ASIC3: variants seen among roughly 807,000 people sequenced by gnomAD.
The protein encoded by ASIC3 is acid-sensing ion channel 3.
In ASIC3, 46 loss-of-function variants were observed where a neutral mutation model predicts 58.6. That is an observed-to-expected ratio of 0.79 (90% CI 0.62 to 1.00). ASIC3 has a LOEUF of 1.00. Among genes scored for constraint, ASIC3 ranks in the 50% least tolerant of loss-of-function variants. ASIC3 has a pLI of 0.00. For synonymous variants in ASIC3, 336 were observed against 300.2 expected, an observed-to-expected ratio of 1.12 and a Z score of -1.23; for missense variants, 770 against 735.0, an observed-to-expected ratio of 1.05 and a Z score of -0.55.
rs956906133 is a variant in ASIC3, at chr7:151,051,470, A to G, written c.1214+151A>G. The G allele has an allele frequency of 3.8e-6, 4 of 1,045,712 alleles. No homozygotes were observed. In the African/African-American group the frequency reaches 6.6e-5, roughly 17 times the overall value. 64.8% of individuals were successfully genotyped at this position (1,045,712 alleles called of 1,614,324 possible). On this transcript the variant is annotated intron_variant, in intron 6 of 10. Coordinates refer to ENST00000349064, the MANE Select transcript of ASIC3 (RefSeq NM_004769.4). Reference sequence around the variant, plus strand: ...CTCTGGGGCTCCGTGCTGGTTGCTTAATCTTTCTGGCCCCGGGGGATGCTG... The same window carrying G: ...CTCTGGGGCTCCGTGCTGGTTGCTTGATCTTTCTGGCCCCGGGGGATGCTG...
chr7:151,051,209 C>G lies in ASIC3; in HGVS notation c.1104C>G (p.Asn368Lys). 1.9e-6 allele frequency: 3 copies of G among 1,585,690 alleles called. No individual in the cohort carries two copies. The highest frequency in any genetic ancestry group is 2.6e-6 in the Non-Finnish European group (3 of 1,172,418). The change falls in exon 6 of 11, where the codon AAC becomes AAG. Residue 368 changes from asparagine to lysine, a missense_variant. Physicochemically the swap from Asn to Lys is moderately conservative, Grantham distance 94 (BLOSUM62 0). Coordinates refer to ENST00000349064, the MANE Select transcript of ASIC3 (RefSeq NM_004769.4). ...GCAAGGACTCGTGCGCCTGCCCCAACCCGTGCGCCAGCACGCGCTACGCCA... is the reference window on the plus strand; with the variant it reads ...GCAAGGACTCGTGCGCCTGCCCCAAGCCGTGCGCCAGCACGCGCTACGCCA... ...MLRKDSCACP[N>K]PCASTRYAKE...
At position 151,051,910 on chromosome 7, in the gene ASIC3, GCAGGGCCCC is replaced by G. The variant is rs1167384866; in HGVS notation, c.1306+16_1306+24del. 1 of 1,613,768 alleles carries G rather than the reference GCAGGGCCCC, an allele frequency of 6.2e-7. No individual in the cohort carries two copies. The highest frequency in any genetic ancestry group is 1.7e-5 in the Admixed American group (1 of 59,992). The stretch of plus-strand genomic sequence containing the variant: ...GATGTCAGAGCTGCTTGGTGTGTGT[GCAGGGCCCC>G]CAGGGCTGGGGGGGTGTGGGCAGGC... On this transcript the variant is annotated intron_variant, in intron 7 of 10. Coordinates refer to ENST00000349064, the MANE Select transcript of ASIC3 (RefSeq NM_004769.4).
rs1796791286 is a variant in ASIC3 at position 151,051,915 on chromosome 7, GC to G, written c.1306+19del. ...CAGAGCTGCTTGGTGTGTGTGCAGG[GC>G]CCCCAGGGCTGGGGGGGTGTGGGCA... is the stretch of plus-strand genomic sequence containing the variant. On this transcript the variant is annotated intron_variant, in intron 7 of 10. Coordinates refer to ENST00000349064, the MANE Select transcript of ASIC3 (RefSeq NM_004769.4). The G allele has an allele frequency of 1.2e-6, 2 of 1,613,642 alleles. No homozygotes were observed. The highest frequency in any genetic ancestry group is 1.7e-6 in the Non-Finnish European group (2 of 1,179,872).
Position 151,048,823 on chromosome 7 carries a change from C to A in ASIC3, c.-63C>A, listed in dbSNP as rs565387190. 7 of 1,509,660 alleles carry A rather than the reference C, an allele frequency of 4.6e-6. No individual in the cohort carries two copies. Among genetic ancestry groups the A allele is most frequent in the Non-Finnish European group, 5.3e-6 (6 of 1,128,356 alleles). 93.5% of individuals were successfully genotyped at this position (1,509,660 alleles called of 1,614,324 possible). ...ATCCTATCTTAGCCTCCTTAGCCCCCTGACTGACTCTCTCTCGCTTCTTCC... is the reference window on the plus strand; with the variant it reads ...ATCCTATCTTAGCCTCCTTAGCCCCATGACTGACTCTCTCTCGCTTCTTCC... On this transcript the variant is annotated 5_prime_UTR_variant, in exon 1 of 11. In the 5' UTR this introduces an upstream ATG that the reference lacks. Coordinates refer to ENST00000349064, the MANE Select transcript of ASIC3 (RefSeq NM_004769.4).
Position 151,050,490 on chromosome 7 carries a change from C to CGTTTGAGGTGGG in ASIC3, c.697_708dup (p.Phe233_Gly236dup). 1 of 1,613,798 alleles carries CGTTTGAGGTGGG rather than the reference C, an allele frequency of 6.2e-7. No individual in the cohort carries two copies. The highest frequency in any genetic ancestry group is 8.5e-7 in the Non-Finnish European group (1 of 1,179,884). On this transcript the variant is annotated inframe_insertion, in exon 3 of 11. Coordinates refer to ENST00000349064, the MANE Select transcript of ASIC3 (RefSeq NM_004769.4). ...GGTCCCTCCCCGACAGAGGAGACCC[C>CGTTTGAGGTGGG]GTTTGAGGTGGGGATCCGAGTGCAG...
Position 151,049,143 on chromosome 7 carries a change from C to T in ASIC3, c.258C>T (p.Phe86=). 2.5e-6 allele frequency: 4 copies of T among 1,613,898 alleles called. No individual in the cohort carries two copies. Among genetic ancestry groups the T allele is most frequent in the Non-Finnish European group, 3.4e-6 (4 of 1,179,902 alleles). Residue 86 remains phenylalanine (F), a synonymous_variant, in exon 1 of 11, where the codon TTC becomes TTT. Coordinates refer to ENST00000349064, the MANE Select transcript of ASIC3 (RefSeq NM_004769.4). ...AGCGAGAAAGCCACCGGCTCATCTTCCCGGCTGTCACCCTGTGCAACATCA... is the reference window on the plus strand; with the variant it reads ...AGCGAGAAAGCCACCGGCTCATCTTTCCGGCTGTCACCCTGTGCAACATCA... ...LDERESHRLI[F]PAVTLCNINP...
At chr7:151,051,687 G>A (rs1796784489) in intron 6 of ASIC3, 123 bp from the exon 7 acceptor site, 2 of 1,000,238 alleles carry the variant, frequency 2.0e-6, no homozygotes, top group Non-Finnish European at 3.0e-6. Context: ...GTACAGGTGT[G>A]AGCCACCGTG....
intron 2 of ASIC3, 60 bp downstream of exon 2, chr7:151,050,316 A>AAGGAGAGG: frequency 6.3e-7 from 1 of 1,584,066 alleles, no homozygotes; most frequent in Non-Finnish European, 8.6e-7. Context: ...AGGCTAGGGG[A>AAGGAGAGG]AGGAGAGGAG....
At chr7:151,048,522 A>C, upstream of ASIC3, 1 of 231,558 alleles carries the variant, frequency 4.3e-6, no homozygotes. Flanking sequence ...CTACTGCTGA[A>C]ACCCAATCCT....
chr7:151,050,135 A>AT lies in ASIC3; in HGVS notation c.567dup (p.Asn190Ter). Reference sequence around the variant, plus strand: ...TCACCCGGATGGGAAAGTGCTACACATTTAACTCTGGCGCTGATGGGGCAG... The same window carrying AT: ...TCACCCGGATGGGAAAGTGCTACACATTTTAACTCTGGCGCTGATGGGGCAG... On this transcript the variant is annotated frameshift_variant, in exon 2 of 11. Transcript: ENST00000349064. LOFTEE classifies it high-confidence loss of function. 6.2e-7 allele frequency: 1 copy of AT among 1,614,118 alleles called. No homozygotes were observed. The highest frequency in any genetic ancestry group is 8.5e-7 in the Non-Finnish European group (1 of 1,180,004).
At position 151,049,010 on chromosome 7, in the gene ASIC3, G is replaced by A. The variant is rs114837285; in HGVS notation, c.125G>A (p.Arg42Gln). The change falls in exon 1 of 11, where the codon CGG (arginine) becomes CAG (glutamine). Residue 42 changes from arginine (R) to glutamine (Q), a missense_variant. Physicochemically the swap from Arg to Gln is conservative, Grantham distance 43. Transcript: ENST00000349064. ...GGGCCAGGCAGCCTGAGCCTGCGCC[G>A]GGGGATGTGGGCAGCGGCCGTGGTC... ...VFGPGSLSLR[R>Q]GMWAAAVVLS... is the part of the protein sequence containing the mutation. The A allele has an allele frequency of 4.5e-4, 727 of 1,612,158 alleles. 5 individuals are homozygous for A. In the East Asian group the frequency reaches 9.7e-3, roughly 22 times the overall value.
Position 151,052,074 on chromosome 7 carries a change from C to G in ASIC3, c.1386+12C>G. 2 of 1,613,796 alleles carry G rather than the reference C, an allele frequency of 1.2e-6. No homozygotes were observed. Among genetic ancestry groups the G allele is most frequent in the South Asian group, 2.2e-5 (2 of 91,060 alleles). ...ACTACCTCTGTGAGGTGGGCCAGGGCCCCCACTGCAGGGGGTGGGAGGTGG... is the reference window on the plus strand; with the variant it reads ...ACTACCTCTGTGAGGTGGGCCAGGGGCCCCACTGCAGGGGGTGGGAGGTGG... On this transcript the variant is annotated intron_variant, in intron 8 of 10. Transcript: ENST00000349064. This position sits in a 1 kb window ranked among gnomAD's most constrained non-coding sequence, Gnocchi z 5.0.
In ASIC3 at chr7:151,049,765, T is replaced by TG. The variant is rs924388730; in HGVS notation, c.535-333dup. Among the ~76,000 whole-genome samples, 400 of 151,182 alleles carry TG rather than the reference T, an allele frequency of 2.6e-3. 1 individual carries two copies. Among genetic ancestry groups the TG allele is most frequent in the Non-Finnish European group, 3.6e-3 (246 of 67,704 alleles). ...GAAGACCCCTATCTCTGCCAGGAGG[T>TG]GGGGGGGGCTTGCTTTCCCTCTGCC... On this transcript the variant is annotated intron_variant, in intron 1 of 10. Transcript: ENST00000349064.
In ASIC3 at chr7:151,052,268, G is replaced by C; in HGVS notation, c.1458+31G>C. 6.2e-7 allele frequency: 1 copy of C among 1,613,808 alleles called. No homozygotes were observed. The highest frequency in any genetic ancestry group is 8.5e-7 in the Non-Finnish European group (1 of 1,179,946). On this transcript the variant is annotated intron_variant, in intron 9 of 10. Coordinates refer to ENST00000349064, the MANE Select transcript of ASIC3 (RefSeq NM_004769.4). The surrounding 1 kb of genome is among the most constrained non-coding windows in gnomAD (Gnocchi z 5.0). ...AGCCCCTCTTCTGGAGCCCTTGCCT[G>C]CTCCAAGGGTGCTAGGGCCCACCCC...
rs905400647 is a variant in ASIC3 at position 151,052,093 on chromosome 7, G to A, written c.1386+31G>A. 36 of 1,612,266 alleles carry A rather than the reference G, an allele frequency of 2.2e-5. No homozygotes were observed. Among genetic ancestry groups the A allele is most frequent in the Non-Finnish European group, 2.5e-5 (29 of 1,178,700 alleles). The stretch of plus-strand genomic sequence containing the variant: ...CCAGGGCCCCCACTGCAGGGGGTGG[G>A]AGGTGGGAATCAGGGCCCCTAGGAT... On this transcript the variant is annotated intron_variant, in intron 8 of 10. Coordinates refer to ENST00000349064, the MANE Select transcript of ASIC3 (RefSeq NM_004769.4). The surrounding 1 kb of genome is among the most constrained non-coding windows in gnomAD (Gnocchi z 5.0).
Position 151,048,843 on chromosome 7 carries a change from T to C in ASIC3, c.-43T>C. 2 of 1,516,928 alleles carry C rather than the reference T, an allele frequency of 1.3e-6. No homozygotes were observed. The highest frequency in any genetic ancestry group is 8.8e-7 in the Non-Finnish European group (1 of 1,133,026). 94.0% of individuals were successfully genotyped at this position (1,516,928 alleles called of 1,614,324 possible). A position where few individuals can be genotyped will look rare whatever the true frequency, so the allele number is the denominator to read the frequency against. On this transcript the variant is annotated 5_prime_UTR_variant, in exon 1 of 11. Transcript: ENST00000349064. ...GCCCCCTGACTGACTCTCTCTCGCT[T>C]CTTCCAAGCCTCTGTAGCTGGTTCC... is the stretch of plus-strand genomic sequence containing the variant.
chr7:151,051,573 G>A (rs1284658595), intron 6 of ASIC3, among the ~76,000 whole-genome samples: 1 of 150,976 alleles, frequency 6.6e-6, no homozygotes, highest in Non-Finnish European at 1.5e-5. Context: ...CAGAGACGGC[G>A]GGGGGCGGGG....
rs1041507322 is a variant in ASIC3, at chr7:151,048,545, C to T, written c.-341C>T. 3.5e-5 allele frequency: 11 copies of T among 310,528 alleles called. No homozygotes were observed. Among genetic ancestry groups the T allele is most frequent in the Non-Finnish European group, 5.4e-5 (9 of 168,086 alleles). 19.2% of individuals were successfully genotyped at this position (310,528 alleles called of 1,614,324 possible). On this transcript the variant is annotated 5_prime_UTR_variant, in exon 1 of 11. Transcript: ENST00000349064. ...GAAACCCAATCCTCTGCAGCAGCGC[C>T]GGCTCAGCACCGCCGGCTCAGCACC...
Position 151,052,451 on chromosome 7 carries a change from T to G in ASIC3, c.1494T>G (p.Val498=). 1 of 1,613,888 alleles carries G rather than the reference T, an allele frequency of 6.2e-7. No homozygotes were observed. The highest frequency in any genetic ancestry group is 8.5e-7 in the Non-Finnish European group (1 of 1,179,942). ...QEGLGSHRTQ[V]PHLSLGPRPP... ...GGCTGGGCAGCCATCGAACCCAAGTTCCCCACCTCAGCCTGGGCCCCAGGT... is the reference window on the plus strand; with the variant it reads ...GGCTGGGCAGCCATCGAACCCAAGTGCCCCACCTCAGCCTGGGCCCCAGGT... The change falls in exon 10 of 11, where the codon GTT becomes GTG. Residue 498 remains valine, a synonymous_variant. Transcript: ENST00000349064. This position sits in a 1 kb window ranked among gnomAD's most constrained non-coding sequence, Gnocchi z 5.0.
Sources: gnomAD v4.1 joint callset for allele counts (sites outside exome capture counted in the v4.1 genomes callset) on GRCh38, gnomAD v4.1.1 for gene constraint, Gnocchi (gnomAD v3.1) non-coding constraint, MANE v1.5 for transcripts, NCBI Gene and HGNC (gene_info 2026-07-23, HGNC 2026-07-21) for gene names.